PDIA5: variants seen among roughly 807,000 people sequenced by gnomAD.
PDIA5 encodes protein disulfide isomerase family A member 5.
PDIA5 carries 58 observed loss-of-function variants against 77.6 expected under a neutral mutation model. The ratio of observed to expected loss-of-function variants is 0.75; its 90% CI spans 0.61 to 0.93. The LOEUF is 0.93. Ranked by LOEUF, PDIA5 falls within the 40% of genes least tolerant of loss-of-function variation. The pLI is 0.00. For synonymous variants in PDIA5, 250 were observed against 252.1 expected, an observed-to-expected ratio of 0.99 and a Z score of 0.08; for missense variants, 630 against 647.7, an observed-to-expected ratio of 0.97 and a Z score of 0.30.
chr3:123,095,951 C>G (rs1024852594), intron 3 of PDIA5, among the ~76,000 whole-genome samples: 1 of 152,064 alleles, frequency 6.6e-6, no homozygotes, highest in Admixed American at 6.5e-5. Flanking sequence ...CCCTAAATAG[C>G]CTGGTTCAGA....
chr3:123,067,770 A>C (rs867951372), intron 1 of PDIA5, among the ~76,000 whole-genome samples: 153 of 152,208 alleles, frequency 1.0e-3, no homozygotes, highest in Middle Eastern at 6.8e-3. Context: ...CTGCTCCTAC[A>C]CCCAACTGAG....
Position 123,091,202 on chromosome 3 carries a change from A to C in PDIA5, c.170-1153A>C, listed in dbSNP as rs181655097. On this transcript the variant is annotated intron_variant, in intron 2 of 16. Coordinates refer to ENST00000316218, the MANE Select transcript of PDIA5 (RefSeq NM_006810.4). ...GTGCCTTCTCCGAGTGACTCCATGC[A>C]TGTCTCTTGAGCGATACTTTTGTTT... Among the ~76,000 whole-genome samples, 151 of 152,124 alleles carry C rather than the reference A, an allele frequency of 9.9e-4. 2 individuals are homozygous for C. The highest frequency in any genetic ancestry group is 3.5e-3 in the African/African-American group (147 of 41,482).
In PDIA5 at chr3:123,067,156, G is replaced by T; in HGVS notation, c.-9G>T. On this transcript the variant is annotated 5_prime_UTR_variant, in exon 1 of 17. Transcript: ENST00000316218. ...GAGAAAGGAGCCAGCGGTGGGCAGCGCTGCTGGGATGGCGCGGGCCGGGCC... is the reference window on the plus strand; with the variant it reads ...GAGAAAGGAGCCAGCGGTGGGCAGCTCTGCTGGGATGGCGCGGGCCGGGCC... 8.0e-7 allele frequency: 1 copy of T among 1,246,550 alleles called. No homozygotes were observed. 77.2% of individuals were successfully genotyped at this position (1,246,550 alleles called of 1,614,324 possible).
chr3:123,082,708 A>G (rs956991309), intron 1 of PDIA5, among the ~76,000 whole-genome samples: 2 of 151,982 alleles, frequency 1.3e-5, no homozygotes, highest in African/African-American at 4.8e-5. Flanking sequence ...GAGAAGTGCA[A>G]TTATTCTGTG....
At position 123,106,759 on chromosome 3, in the gene PDIA5, C is replaced by T. The variant is rs1655061896; in HGVS notation, c.398C>T (p.Ala133Val). The change falls in exon 6 of 17, where the codon GCC (alanine) becomes GTC (valine). Residue 133 changes from alanine to valine, a missense_variant. Coordinates refer to ENST00000316218, the MANE Select transcript of PDIA5 (RefSeq NM_006810.4). ...NRAVTFKSIV[A>V]FLKDPKGPPL... The stretch of plus-strand genomic sequence containing the variant: ...TTTTTTTTCCCTCAGTCCATAGTGG[C>T]CTTTTTGAAGGATCCAAAAGGGCCC... The T allele has an allele frequency of 5.6e-6, 9 of 1,610,618 alleles. No individual in the cohort carries two copies. The South Asian group carries it at 6.6e-5, about 12-fold the overall frequency.
At chr3:123,133,293 C>T (rs1421469158) in intron 11 of PDIA5, among the ~76,000 whole-genome samples, 1 of 152,172 alleles carries the variant, frequency 6.6e-6, no homozygotes, top group Non-Finnish European at 1.5e-5. Flanking sequence ...TTCCTAAGTG[C>T]AGAAAGGGTG....
chr3:123,130,022 C>A (rs187412664), intron 10 of PDIA5, among the ~76,000 whole-genome samples: 16 of 152,314 alleles, frequency 1.1e-4, no homozygotes, highest in South Asian at 2.1e-4. Flanking sequence ...CTCCTCACCC[C>A]CTCCTCTCTG....
At chr3:123,126,950 T>C (rs1385978867) in intron 10 of PDIA5, among the ~76,000 whole-genome samples, 1 of 152,174 alleles carries the variant, frequency 6.6e-6, no homozygotes, top group Non-Finnish European at 1.5e-5. Flanking sequence ...TTTGTGTTCC[T>C]AATGGCCACG....
chr3:123,115,772 G>T (rs73856823), intron 7 of PDIA5, among the ~76,000 whole-genome samples: 1 of 152,216 alleles, frequency 6.6e-6, no homozygotes, highest in Non-Finnish European at 1.5e-5. Context: ...AAAAGTGATC[G>T]TATTCGTGGT....
intron 3 of PDIA5, among the ~76,000 whole-genome samples, chr3:123,093,820 G>C (rs1049890184): frequency 6.6e-6 from 1 of 152,172 alleles, no homozygotes; most frequent in Admixed American, 6.5e-5. Flanking sequence ...AGAGGCGGTC[G>C]AGTTCACATT....
chr3:123,100,368 G>T (rs1934554014), intron 3 of PDIA5, among the ~76,000 whole-genome samples: 1 of 152,274 alleles, frequency 6.6e-6, no homozygotes, highest in African/African-American at 2.4e-5. Context: ...TTAAGGATAA[G>T]AAAGTTTTCA....
At chr3:123,159,754 G>A (rs1006946370) in intron 15 of PDIA5, among the ~76,000 whole-genome samples, 3 of 152,196 alleles carry the variant, frequency 2.0e-5, no homozygotes, top group Non-Finnish European at 4.4e-5. Flanking sequence ...CATAGCTGAA[G>A]AGTAGAAGGG....
intron 13 of PDIA5, among the ~76,000 whole-genome samples, chr3:123,148,578 A>C (rs1024402101): frequency 7.2e-5 from 11 of 152,018 alleles, no homozygotes; most frequent in Non-Finnish European, 1.5e-4. Flanking sequence ...TAAAAAAAAA[A>C]AAAAGGTTGA....
At position 123,119,910 on chromosome 3, in the gene PDIA5, T is replaced by C. The variant is rs911220248; in HGVS notation, c.609+3612T>C. Among the ~76,000 whole-genome samples the C allele has an allele frequency of 3.3e-5, 5 of 152,188 alleles. No individual in the cohort carries two copies. The East Asian group carries it at 7.7e-4, about 23-fold the overall frequency. Reference sequence around the variant, plus strand: ...GAGGTGTTCAACCTGATTGACATCATTAGGAAGGAAGGCATGCCAGGTCAG... The same window carrying C: ...GAGGTGTTCAACCTGATTGACATCACTAGGAAGGAAGGCATGCCAGGTCAG... On this transcript the variant is annotated intron_variant, in intron 8 of 16. Transcript: ENST00000316218.
Position 123,089,099 on chromosome 3 carries a change from A to C in PDIA5, c.43-69A>C. 1.1e-5 allele frequency: 16 copies of C among 1,506,624 alleles called. 1 individual carries two copies. The South Asian group carries it at 1.9e-4, about 18-fold the overall frequency. 93.3% of individuals were successfully genotyped at this position (1,506,624 alleles called of 1,614,324 possible). On this transcript the variant is annotated intron_variant, in intron 1 of 16. Transcript: ENST00000316218. Reference sequence around the variant, plus strand: ...TAAAGCAGCTCTAGGCAGCACATCCATGGGCACCGATTCTTCTGGGGCCCA... The same window carrying C: ...TAAAGCAGCTCTAGGCAGCACATCCCTGGGCACCGATTCTTCTGGGGCCCA...
At chr3:123,143,277 C>T (rs1408970950) in intron 11 of PDIA5, among the ~76,000 whole-genome samples, 1 of 150,572 alleles carries the variant, frequency 6.6e-6, no homozygotes, top group African/African-American at 2.4e-5. Flanking sequence ...CCCAGCTACT[C>T]GGGAGGCTGA....
At chr3:123,135,061 A>G (rs375288377) in intron 11 of PDIA5, among the ~76,000 whole-genome samples, 6 of 152,298 alleles carry the variant, frequency 3.9e-5, no homozygotes, top group African/African-American at 1.4e-4. Flanking sequence ...CTCTCTGCAA[A>G]TGGTGTGTCA....
intron 11 of PDIA5, among the ~76,000 whole-genome samples, chr3:123,140,109 C>T (rs150952542): frequency 1.1e-4 from 17 of 152,080 alleles, no homozygotes; most frequent in South Asian, 2.1e-4. Context: ...GGGTAAGCCG[C>T]ATACAGACCT....
At chr3:123,118,786 T>G (rs938182527) in intron 8 of PDIA5, among the ~76,000 whole-genome samples, 2 of 152,092 alleles carry the variant, frequency 1.3e-5, no homozygotes, top group African/African-American at 4.8e-5. Context: ...ATGAATAGGG[T>G]TTTTGCTCAT....
Sources: gnomAD v4.1 joint callset for allele counts (sites outside exome capture counted in the v4.1 genomes callset) on GRCh38, gnomAD v4.1.1 for gene constraint, MANE v1.5 for transcripts, NCBI Gene and HGNC (gene_info 2026-07-23, HGNC 2026-07-21) for gene names.